Variants in DCAF1 observed in about 807,000 individuals in gnomAD.
The protein encoded by DCAF1 is DDB1 and CUL4 associated factor 1.
DCAF1 carries 15 observed loss-of-function variants against 128.0 expected under a neutral mutation model. The ratio of observed to expected loss-of-function variants is 0.12; its 90% CI spans 0.08 to 0.18. The LOEUF (loss-of-function observed/expected upper bound fraction) is 0.18. Ranked by LOEUF, DCAF1 falls within the 10% of genes least tolerant of loss-of-function variation. DCAF1 has a pLI of 1.00. For missense variants in DCAF1, 988 were observed against 1,649.5 expected, an observed-to-expected ratio of 0.60 and a Z score of 6.95; for synonymous variants, 610 against 603.0, an observed-to-expected ratio of 1.01 and a Z score of -0.17.
rs1553638677 is a variant in DCAF1, at chr3:51,441,469, G to A, written c.942C>T (p.Thr314=). Residue 314 remains threonine (T), a synonymous_variant, in exon 8 of 25, where the codon ACC becomes ACT. Coordinates refer to ENST00000684031, the MANE Select transcript of DCAF1 (RefSeq NM_001387579.1). The part of the protein sequence containing the change: ...WSEMSPWVIG[T]NYTLYPMTPA... ...GAGTCATAGGATAAAGGGTATAATT[G>A]GTGCCAATCACCCAGGGAGACATTT... 2 of 1,613,934 alleles carry A rather than the reference G, an allele frequency of 1.2e-6. No individual in the cohort carries two copies. The highest frequency in any genetic ancestry group is 4.5e-5 in the East Asian group (2 of 44,870).
At chr3:51,504,499 C>A (rs1284149493), upstream of DCAF1, among the ~76,000 whole-genome samples, 1 of 152,078 alleles carries the variant, frequency 6.6e-6, no homozygotes, top group Non-Finnish European at 1.5e-5. Context: ...AGGTGCCCGC[C>A]ACAACACCTG....
At chr3:51,409,320 G>A (rs1698188896) in intron 23 of DCAF1, among the ~76,000 whole-genome samples, 1 of 152,036 alleles carries the variant, frequency 6.6e-6, no homozygotes, top group Admixed American at 6.6e-5. Context: ...ACCACTCCAT[G>A]TCTGCAAGAA....
intron 4 of DCAF1, among the ~76,000 whole-genome samples, 170 bp from the exon 5 acceptor site, chr3:51,467,046 G>C (rs1038025293): frequency 6.6e-6 from 1 of 152,014 alleles, no homozygotes; most frequent in East Asian, 1.9e-4. Flanking sequence ...TAAGAAACAT[G>C]CTTTAGGCCA....
intron 6 of DCAF1, among the ~76,000 whole-genome samples, chr3:51,456,563 T>C (rs565567090): frequency 3.9e-5 from 6 of 151,986 alleles, no homozygotes; most frequent in African/African-American, 1.4e-4. Context: ...TTGAAGAGAG[T>C]AGTGGTTCTC....
At chr3:51,467,660 T>C (rs1051142383) in intron 4 of DCAF1, among the ~76,000 whole-genome samples, 2 of 151,796 alleles carry the variant, frequency 1.3e-5, no homozygotes, top group Admixed American at 6.6e-5. Context: ...AAAATATATA[T>C]ATAAAAAAAG....
chr3:51,471,783 C>T (rs1344195594), intron 3 of DCAF1, among the ~76,000 whole-genome samples: 1 of 152,022 alleles, frequency 6.6e-6, no homozygotes, highest in Admixed American at 6.6e-5. Context: ...AGGAGAATCA[C>T]TTGAACCTGG....
intron 2 of DCAF1, among the ~76,000 whole-genome samples, chr3:51,488,121 T>C (rs1707192473): frequency 2.0e-5 from 3 of 151,880 alleles, no homozygotes; most frequent in Non-Finnish European, 2.9e-5. Context: ...TGCCTCGGCA[T>C]CCCAAAATGC....
At chr3:51,410,507 A>ATAGCTCAATCTCAAAC (rs1553628126) in intron 23 of DCAF1, among the ~76,000 whole-genome samples, 1 of 151,952 alleles carries the variant, frequency 6.6e-6, no homozygotes, top group Non-Finnish European at 1.5e-5. Flanking sequence ...AGTAAAACAC[A>ATAGCTCAATCTCAAAC]TAGCTAAATC....
intron 6 of DCAF1, among the ~76,000 whole-genome samples, chr3:51,459,289 A>G (rs1372479176): frequency 1.3e-5 from 2 of 152,230 alleles, no homozygotes; most frequent in Non-Finnish European, 2.9e-5. Flanking sequence ...CTCTACACAA[A>G]TAAACTAGAA....
At chr3:51,433,380 C>G in intron 9 of DCAF1, 116 bp from the exon 10 acceptor site, 1 of 396,028 alleles carries the variant, frequency 2.5e-6, no homozygotes, top group Non-Finnish European at 4.4e-6. Flanking sequence ...ACAACCAACC[C>G]CTCACAAAAG....
In DCAF1 at chr3:51,398,098, GCAGA is replaced by G. The variant is rs782148413; in HGVS notation, c.*667_*670del. 1.3e-5 allele frequency: 2 copies of G among 152,968 alleles called. No individual in the cohort carries two copies. Among genetic ancestry groups the G allele is most frequent in the African/African-American group, 2.4e-5 (1 of 41,390 alleles). The allele number at this position is 152,968 out of a possible 1,614,324, so 9.5% of individuals were successfully genotyped here. A position where few individuals can be genotyped will look rare whatever the true frequency, so the allele number is the denominator to read the frequency against. ...GTGAGTGAATTTAGGCATTTACCCA[GCAGA>G]CAGAGTGCCTTCCTCCCCACCTCTG... On this transcript the variant is annotated 3_prime_UTR_variant, in exon 25 of 25. Transcript: ENST00000684031.
chr3:51,446,488 G>C (rs1701865326), intron 6 of DCAF1, among the ~76,000 whole-genome samples: 1 of 151,966 alleles, frequency 6.6e-6, no homozygotes, highest in Admixed American at 6.6e-5. Context: ...AAAATTAGCT[G>C]GGCGTGGTGG....
chr3:51,437,689 C>T (rs1036886332), intron 9 of DCAF1, among the ~76,000 whole-genome samples: 2 of 151,944 alleles, frequency 1.3e-5, no homozygotes, highest in East Asian at 3.9e-4. Flanking sequence ...GTGGTGCGCA[C>T]CTGCAGTCCA....
At chr3:51,492,317 G>A (rs1182851609) in intron 2 of DCAF1, among the ~76,000 whole-genome samples, 11 of 151,444 alleles carry the variant, frequency 7.3e-5, no homozygotes, top group South Asian at 2.1e-4. Flanking sequence ...AGTTTGAGAC[G>A]AGTATGGCCA....
intron 4 of DCAF1, among the ~76,000 whole-genome samples, chr3:51,470,536 A>C (rs1208581648): frequency 6.6e-6 from 1 of 152,186 alleles, no homozygotes; most frequent in African/African-American, 2.4e-5. Context: ...ACTGCACTGC[A>C]ACCTGGGCAA....
At chr3:51,499,529 G>A (rs1346826342) in intron 1 of DCAF1, among the ~76,000 whole-genome samples, 4 of 152,070 alleles carry the variant, frequency 2.6e-5, no homozygotes, top group African/African-American at 9.7e-5. Flanking sequence ...GGATTGGAAG[G>A]AAAAAGAAAA....
rs1316461541 is a variant in DCAF1 at position 51,447,939 on chromosome 3, T to A, written c.376-4036A>T. ...TCCAACCTGGGCGACAGAGCAAGAC[T>A]CTGACTCAATTAAAAAAAAAAAAGT... is the stretch of plus-strand genomic sequence containing the variant. On this transcript the variant is annotated intron_variant, in intron 6 of 24. Coordinates refer to ENST00000684031, the MANE Select transcript of DCAF1 (RefSeq NM_001387579.1). 3.3e-5 allele frequency among the ~76,000 whole-genome samples: 5 copies of A among 151,912 alleles called. No homozygotes were observed. The East Asian group carries it at 9.6e-4, about 29-fold the overall frequency.
upstream of DCAF1, among the ~76,000 whole-genome samples, chr3:51,504,067 TG>T: frequency 6.7e-6 from 1 of 150,142 alleles, no homozygotes; most frequent in East Asian, 2.0e-4. Context: ...AGATGGAGTC[TG>T]GCTCTGTCGC....
rs1553638495 is a variant in DCAF1 at position 51,441,041 on chromosome 3, G to A, written c.1057C>T (p.Arg353Trp). 3.7e-6 allele frequency: 6 copies of A among 1,612,218 alleles called. No homozygotes were observed. The highest frequency in any genetic ancestry group is 2.2e-5 in the South Asian group (2 of 90,560). ...LLPIFMQLGS[R>W]ELMMFYIDLK... ...TCAATATAGAACATCATCAGCTCCCGTGATCCAAGTTGCATGAATATGGGA... is the reference window on the plus strand; with the variant it reads ...TCAATATAGAACATCATCAGCTCCCATGATCCAAGTTGCATGAATATGGGA... The change falls in exon 9 of 25, where the codon CGG (arginine) becomes TGG (tryptophan). Residue 353 changes from arginine to tryptophan, a missense_variant. Arg to Trp is a moderately radical substitution (Grantham distance 101). Around this residue, in one of 11 missense-constraint regions of DCAF1, gnomAD observed 185 missense variants for 248.1 expected, o/e 0.75. Coordinates refer to ENST00000684031, the MANE Select transcript of DCAF1 (RefSeq NM_001387579.1).
Sources: allele counts gnomAD v4.1 joint callset (sites outside exome capture counted in the v4.1 genomes callset), GRCh38; gene constraint gnomAD v4.1.1; regional missense constraint gnomAD v4.1.1; transcripts MANE v1.5; gene names NCBI Gene and HGNC (gene_info 2026-07-23, HGNC 2026-07-21).